The following ADGRV1 variants were observed in gnomAD, a reference collection of about 807,000 sequenced individuals.
ADGRV1 encodes the protein G-protein coupled receptor 98.
In ADGRV1, 359 loss-of-function variants were observed where a neutral mutation model predicts 596.2. The ratio of observed to expected loss-of-function variants is 0.60; its 90% CI spans 0.55 to 0.66. The LOEUF is 0.66. ADGRV1 is among the 30% of genes least tolerant of loss of function. The pLI, the probability that ADGRV1 is intolerant of heterozygous loss-of-function variation, is 0.00. For missense variants in ADGRV1, 7,274 were observed against 7,575.6 expected (o/e 0.96, Z 1.48); for synonymous variants, 2,681 against 2,679.2 (o/e 1.00, Z -0.02).
At chr5:90,718,653 C>A (rs2149758082) in intron 43 of ADGRV1, among the ~76,000 whole-genome samples, 1 of 151,402 alleles carries the variant, frequency 6.6e-6, no homozygotes, top group East Asian at 1.9e-4. Context: ...AAATTTAAAA[C>A]CTTAATTGGT....
intron 85 of ADGRV1, among the ~76,000 whole-genome samples, chr5:91,024,055 C>T (rs1363865979): frequency 6.6e-6 from 1 of 152,100 alleles, no homozygotes; most frequent in Non-Finnish European, 1.5e-5. Flanking sequence ...GCACCTAGGG[C>T]CTCGGGGCCA....
chr5:91,056,648 G>T (rs1241590510), intron 85 of ADGRV1, among the ~76,000 whole-genome samples: 1 of 151,980 alleles, frequency 6.6e-6, no homozygotes, highest in Non-Finnish European at 1.5e-5. Flanking sequence ...TTGTGTTGTT[G>T]TAAGAGGATC....
intron 57 of ADGRV1, among the ~76,000 whole-genome samples, chr5:90,758,076 C>A (rs1279554219): frequency 6.6e-6 from 1 of 152,038 alleles, no homozygotes; most frequent in Non-Finnish European, 1.5e-5. Context: ...GAGTGGAATG[C>A]AATCCCAGCA....
At chr5:90,697,552 A>G (rs565625401) in intron 34 of ADGRV1, among the ~76,000 whole-genome samples, 15 of 151,408 alleles carry the variant, frequency 9.9e-5, no homozygotes, top group Admixed American at 3.3e-4. Context: ...CAAACAGTGA[A>G]ACATTGGTAA....
chr5:90,983,471 G>A (rs899698053), intron 84 of ADGRV1, among the ~76,000 whole-genome samples: 5 of 152,024 alleles, frequency 3.3e-5, no homozygotes, highest in African/African-American at 4.8e-5. Context: ...ACCGAGTTAC[G>A]ATGTCACATG....
chr5:91,102,201 T>C lies in ADGRV1; in HGVS notation c.18311-18T>C. On this transcript the variant is annotated intron_variant, in intron 86 of 89. Transcript: ENST00000405460. ...GCAGTATTCTGAAGCTCAAAAATTC[T>C]TTTTTTTTTATTTCTAGAAATTCCA... 1 of 1,279,008 alleles carries C rather than the reference T, an allele frequency of 7.8e-7. No individual in the cohort carries two copies. The allele number at this position is 1,279,008 out of a possible 1,614,324, so 79.2% of individuals were successfully genotyped here.
At chr5:90,884,356 A>AT (rs374880674) in intron 83 of ADGRV1, among the ~76,000 whole-genome samples, 7 of 151,924 alleles carry the variant, frequency 4.6e-5, no homozygotes, top group African/African-American at 9.7e-5. Flanking sequence ...TCTTTTCATC[A>AT]TTTTTTTCTG....
intron 21 of ADGRV1, among the ~76,000 whole-genome samples, chr5:90,662,530 G>A (rs1177301749): frequency 4.0e-5 from 6 of 151,734 alleles, no homozygotes; most frequent in Admixed American, 3.9e-4. Context: ...CAGGCGTTAT[G>A]TTATTTCTCT....
intron 11 of ADGRV1, among the ~76,000 whole-genome samples, chr5:90,638,856 C>G (rs1044774884): frequency 2.0e-5 from 3 of 152,008 alleles, no homozygotes; most frequent in African/African-American, 7.2e-5. Context: ...GATGCTTTGT[C>G]TAAACACATT....
At chr5:90,807,852 T>A in intron 73 of ADGRV1, 115 bp downstream of exon 73, 1 of 960,132 alleles carries the variant, frequency 1.0e-6, no homozygotes, top group Non-Finnish European at 1.5e-6. Flanking sequence ...ACAAACATAG[T>A]TTTAGTGTAG....
In ADGRV1 at chr5:90,815,017, G is replaced by A. The variant is rs76028827; in HGVS notation, c.16079-602G>A. Among the ~76,000 whole-genome samples, 186 of 150,926 alleles carry A rather than the reference G, an allele frequency of 1.2e-3. No individual in the cohort carries two copies. The East Asian group carries it at 0.021, about 17-fold the overall frequency. The stretch of plus-strand genomic sequence containing the variant: ...TTTTTTTTTTAGTATAATGGTACCC[G>A]TAACCTCAAGTGTTGCTTAGGAAAG... On this transcript the variant is annotated intron_variant, in intron 74 of 89. Transcript: ENST00000405460.
chr5:90,772,155 C>T (rs1237863371), intron 59 of ADGRV1, among the ~76,000 whole-genome samples: 2 of 152,132 alleles, frequency 1.3e-5, no homozygotes, highest in African/African-American at 2.4e-5. Context: ...GTAGCCAATC[C>T]TTATCATTCA....
intron 65 of ADGRV1, among the ~76,000 whole-genome samples, 193 bp downstream of exon 65, chr5:90,781,771 G>A (rs993182444): frequency 5.9e-5 from 9 of 152,084 alleles, no homozygotes; most frequent in African/African-American, 1.9e-4. Flanking sequence ...GAACCTTACT[G>A]TGAATGGCAA....
chr5:91,115,188 T>C (rs1472619974), intron 87 of ADGRV1, among the ~76,000 whole-genome samples: 1 of 152,204 alleles, frequency 6.6e-6, no homozygotes, highest in Non-Finnish European at 1.5e-5. Flanking sequence ...TTTTTGTTAT[T>C]GTGTAAGTGT....
chr5:90,566,663 A>G (rs1326434564), intron 1 of ADGRV1, among the ~76,000 whole-genome samples: 3 of 152,088 alleles, frequency 2.0e-5, no homozygotes, highest in Admixed American at 6.5e-5. Flanking sequence ...ATAACAATTG[A>G]TTCTTGTATA....
rs755497124 is a variant in ADGRV1 at position 90,848,659 on chromosome 5, A to G, written c.17042A>G (p.Gln5681Arg). The change falls in exon 79 of 90, where the codon CAA becomes CGA. Residue 5681 changes from glutamine (Q) to arginine (R), a missense_variant. Gln to Arg is a conservative substitution (Grantham distance 43). Transcript: ENST00000405460. ...IEKITTEGKI[Q>R]AFSVASRTLF... The stretch of plus-strand genomic sequence containing the variant: ...CAGATAACTACTGAAGGAAAAATTC[A>G]AGCTTTCAGTGTTGCCAGCCGAACT... 3 of 1,523,736 alleles carry G rather than the reference A, an allele frequency of 2.0e-6. No individual in the cohort carries two copies. The highest frequency in any genetic ancestry group is 2.6e-6 in the Non-Finnish European group (3 of 1,141,604). The allele number at this position is 1,523,736 out of a possible 1,614,324, so 94.4% of individuals were successfully genotyped here.
intron 1 of ADGRV1, among the ~76,000 whole-genome samples, chr5:90,585,187 G>C (rs1441198770): frequency 6.6e-6 from 1 of 152,168 alleles, no homozygotes; most frequent in Non-Finnish European, 1.5e-5. Context: ...ATAACAAAAT[G>C]AGTTATATAA....
At chr5:91,156,173 A>C (rs895644651) in intron 89 of ADGRV1, among the ~76,000 whole-genome samples, 1 of 152,220 alleles carries the variant, frequency 6.6e-6, no homozygotes, top group Non-Finnish European at 1.5e-5. Flanking sequence ...TTTGAAATGC[A>C]TCAGCACAGA....
intron 85 of ADGRV1, among the ~76,000 whole-genome samples, chr5:91,003,203 A>G (rs1364878916): frequency 1.3e-5 from 2 of 152,194 alleles, no homozygotes; most frequent in African/African-American, 2.4e-5. Context: ...AGTCCCAAAA[A>G]GAAATTATTT....
Sources: gnomAD v4.1 joint callset for allele counts (sites outside exome capture counted in the v4.1 genomes callset) on GRCh38, gnomAD v4.1.1 for gene constraint, MANE v1.5 for transcripts, NCBI Gene and HGNC (gene_info 2026-07-23, HGNC 2026-07-21) for gene names.